SPMIP2: variants seen among roughly 807,000 people sequenced by gnomAD.
SPMIP2 encodes protein SPMIP2.
the SPMIP2 span, among the ~76,000 whole-genome samples, chr4:159,045,807 G>A: frequency 6.6e-6 from 1 of 152,202 alleles, no homozygotes; most frequent in Non-Finnish European, 1.5e-5. Flanking sequence ...TAAGATTGCA[G>A]GCAAGCCGTC....
the SPMIP2 span, among the ~76,000 whole-genome samples, chr4:159,065,604 T>C: frequency 2.6e-5 from 4 of 152,078 alleles, no homozygotes; most frequent in African/African-American, 2.4e-5. Flanking sequence ...TGTTGTCCCA[T>C]CTACTTGGGA....
the SPMIP2 span, among the ~76,000 whole-genome samples, chr4:159,027,028 C>T: frequency 0.45 from 68,140 of 151,260 alleles, 15,664 homozygotes; most frequent in African/African-American, 0.5. Context: ...GCAAATTACA[C>T]TGTGTTGAGT....
At chr4:159,024,824 C>T in the SPMIP2 span, among the ~76,000 whole-genome samples, 1 of 152,138 alleles carries the variant, frequency 6.6e-6, no homozygotes, top group Non-Finnish European at 1.5e-5. Flanking sequence ...TAATGATTAG[C>T]ATCACAAATA....
the SPMIP2 span, among the ~76,000 whole-genome samples, chr4:159,053,100 G>A: frequency 6.7e-6 from 1 of 148,510 alleles, no homozygotes; most frequent in Non-Finnish European, 1.5e-5. Context: ...GGGACTACAG[G>A]CGCCCGCCAC....
chr4:158,897,754 G>A, the SPMIP2 span, among the ~76,000 whole-genome samples: 1 of 152,100 alleles, frequency 6.6e-6, no homozygotes, highest in Non-Finnish European at 1.5e-5. Context: ...TATCAGATGG[G>A]AAGATGGCAA....
chr4:158,904,983 C>G, the SPMIP2 span: 1 of 155,898 alleles, frequency 6.4e-6, no homozygotes, highest in Non-Finnish European at 1.4e-5. Flanking sequence ...ACATATTTTG[C>G]TATTCTGAGA....
the SPMIP2 span, among the ~76,000 whole-genome samples, chr4:158,911,384 A>AAATAAATAAAT: frequency 5.6e-3 from 440 of 79,248 alleles, 4 homozygotes; most frequent in African/African-American, 0.028. Flanking sequence ...ATAAATAAAT[A>AAATAAATAAAT]AAATAAATAA....
At chr4:158,974,747 T>C in the SPMIP2 span, among the ~76,000 whole-genome samples, 1 of 152,148 alleles carries the variant, frequency 6.6e-6, no homozygotes, top group East Asian at 1.9e-4. Context: ...TTTGCTACTG[T>C]GAATAGTGCT....
the SPMIP2 span, among the ~76,000 whole-genome samples, chr4:159,036,028 A>G: frequency 0.25 from 37,617 of 152,170 alleles, 5,812 homozygotes; most frequent in East Asian, 0.61. Context: ...ATAAATAGTT[A>G]ATAGATGTTT....
chr4:159,053,949 A>G, the SPMIP2 span, among the ~76,000 whole-genome samples: 1 of 152,216 alleles, frequency 6.6e-6, no homozygotes, highest in African/African-American at 2.4e-5. Context: ...AGAGAAAGAA[A>G]AGAAAATAAA....
the SPMIP2 span, among the ~76,000 whole-genome samples, chr4:159,012,412 G>T: frequency 6.6e-6 from 1 of 152,130 alleles, no homozygotes; most frequent in East Asian, 1.9e-4. Flanking sequence ...TCAATTCAGA[G>T]GATGTGGGCT....
the SPMIP2 span, among the ~76,000 whole-genome samples, chr4:158,937,217 G>C: frequency 1.3e-5 from 2 of 152,096 alleles, no homozygotes; most frequent in African/African-American, 4.8e-5. Context: ...TTTGATACTG[G>C]ATCAACAGTT....
the SPMIP2 span, chr4:158,907,660 C>T: frequency 2.0e-5 from 3 of 152,266 alleles, no homozygotes; most frequent in Non-Finnish European, 2.9e-5. Flanking sequence ...CATACTTCCA[C>T]GTTAAATTGA....
chr4:158,920,041 A>AC, the SPMIP2 span, among the ~76,000 whole-genome samples: 1 of 152,070 alleles, frequency 6.6e-6, no homozygotes, highest in East Asian at 1.9e-4. Flanking sequence ...GAAGTCAGGG[A>AC]CCCCGAATGG....
At chr4:158,949,564 G>GCAAATAGATAC in the SPMIP2 span, among the ~76,000 whole-genome samples, 1 of 151,948 alleles carries the variant, frequency 6.6e-6, no homozygotes, top group Admixed American at 6.6e-5. Flanking sequence ...TGTACTTCAT[G>GCAAATAGATAC]TGCTTCATGA....
chr4:159,075,960 G>T, the SPMIP2 span, among the ~76,000 whole-genome samples: 1 of 152,030 alleles, frequency 6.6e-6, no homozygotes, highest in Non-Finnish European at 1.5e-5. Context: ...ATGTAATCAA[G>T]AAGATTTTGC....
the SPMIP2 span, among the ~76,000 whole-genome samples, chr4:158,917,307 A>T: frequency 6.7e-6 from 1 of 149,186 alleles, no homozygotes; most frequent in African/African-American, 2.5e-5. Flanking sequence ...CACGCCTGTA[A>T]TCCCAGCTAC....
At chr4:158,945,393 C>A in the SPMIP2 span, among the ~76,000 whole-genome samples, 1 of 152,110 alleles carries the variant, frequency 6.6e-6, no homozygotes, top group Non-Finnish European at 1.5e-5. Flanking sequence ...ATGGAAAGGA[C>A]CATGCTGCAA....
the SPMIP2 span, among the ~76,000 whole-genome samples, chr4:158,959,666 G>A: frequency 1.8e-4 from 28 of 152,208 alleles, 1 homozygote; most frequent in Middle Eastern, 3.4e-3. Context: ...TATTCAATCT[G>A]GAGTCTTGTA....
Sources: gnomAD v4.1 joint callset for allele counts (sites outside exome capture counted in the v4.1 genomes callset) on GRCh38, gnomAD v4.1.1 for gene constraint, MANE v1.5 for transcripts, NCBI Gene and HGNC (gene_info 2026-07-23, HGNC 2026-07-21) for gene names.